The following PAWR variants were observed in gnomAD, a reference collection of about 807,000 sequenced individuals.
PAWR encodes the protein PRKC apoptosis WT1 regulator protein.
In PAWR, 23 loss-of-function variants were observed where a neutral mutation model predicts 32.0. The ratio of observed to expected loss-of-function variants is 0.72; its 90% CI spans 0.52 to 1.02. PAWR has a LOEUF of 1.02. Ranked by LOEUF, PAWR falls within the 50% of genes least tolerant of loss-of-function variation. The pLI, the probability that PAWR is intolerant of heterozygous loss-of-function variation, is 0.00. For synonymous variants in PAWR, 226 were observed against 187.1 expected, an observed-to-expected ratio of 1.21 and a Z score of -1.70; for missense variants, 457 against 437.7, an observed-to-expected ratio of 1.04 and a Z score of -0.39.
intron 4 of PAWR, among the ~76,000 whole-genome samples, chr12:79,611,572 T>C (rs1227996792): frequency 6.6e-6 from 1 of 151,928 alleles, no homozygotes; most frequent in East Asian, 1.9e-4. Flanking sequence ...AGATAAGAGA[T>C]AATTTCATAT....
At chr12:79,600,176 T>G (rs552128584) in intron 4 of PAWR, among the ~76,000 whole-genome samples, 3 of 152,346 alleles carry the variant, frequency 2.0e-5, no homozygotes, top group Admixed American at 2.0e-4. Context: ...TTTTGATCTG[T>G]ATCTCTTTGA....
chr12:79,689,819 G>T lies in PAWR; in HGVS notation c.426C>A (p.Pro142=). The T allele has an allele frequency of 6.3e-7, 1 of 1,594,756 alleles. No individual in the cohort carries two copies. Among genetic ancestry groups the T allele is most frequent in the East Asian group, 2.3e-5 (1 of 43,684 alleles). Residue 142 remains proline, a synonymous_variant, in exon 2 of 7, where the codon CCC becomes CCA. Transcript: ENST00000328827. ...GVPEKGKSSG[P]SARKGKGQIE... ...TCTGCCCCTTGCCTTTCCTGGCACT[G>T]GGGCCCGAGCTCTTGCCCTTCTCTG...
intron 2 of PAWR, among the ~76,000 whole-genome samples, chr12:79,679,226 C>T (rs953755807): frequency 1.3e-5 from 2 of 152,142 alleles, no homozygotes; most frequent in African/African-American, 4.8e-5. Context: ...GGGCACACAA[C>T]AGGCATTCAT....
chr12:79,648,766 G>GC (rs1189775159), intron 2 of PAWR, among the ~76,000 whole-genome samples: 1 of 149,864 alleles, frequency 6.7e-6, no homozygotes, highest in Non-Finnish European at 1.5e-5. Flanking sequence ...TCCATCCTGG[G>GC]CAACAGGATG....
chr12:79,598,082 C>G (rs1873829149), intron 4 of PAWR: 2 of 152,256 alleles, frequency 1.3e-5, no homozygotes, highest in Non-Finnish European at 2.9e-5. Context: ...GACAGAGCAA[C>G]TGAGACAGAA....
chr12:79,588,061 A>G lies in PAWR; in HGVS notation c.*4546T>C, dbSNP rs929572162. 1.3e-5 allele frequency: 2 copies of G among 152,050 alleles called. No homozygotes were observed. The highest frequency in any genetic ancestry group is 2.4e-5 in the African/African-American group (1 of 41,450). The allele number at this position is 152,050 out of a possible 1,614,324, so 9.4% of individuals were successfully genotyped here. A position where few individuals can be genotyped will look rare whatever the true frequency, so the allele number is the denominator to read the frequency against. On this transcript the variant is annotated 3_prime_UTR_variant, in exon 7 of 7. Coordinates refer to ENST00000328827, the MANE Select transcript of PAWR (RefSeq NM_002583.4). The stretch of plus-strand genomic sequence containing the variant: ...TGCTACTTAAATTTAGAAGAAAAAC[A>G]TAAGAATAAAAACCCTGAATAGCAT...
At chr12:79,661,269 G>C in intron 2 of PAWR, among the ~76,000 whole-genome samples, 1 of 123,606 alleles carries the variant, frequency 8.1e-6, no homozygotes. Flanking sequence ...AAAAAAAAAA[G>C]AACTTACATT....
intron 4 of PAWR, among the ~76,000 whole-genome samples, chr12:79,609,054 A>G (rs990208028): frequency 1.3e-5 from 2 of 152,110 alleles, no homozygotes; most frequent in Non-Finnish European, 2.9e-5. Flanking sequence ...GGGTGACAGG[A>G]GTGAGACTCC....
chr12:79,657,459 G>A (rs1423839951), intron 2 of PAWR, among the ~76,000 whole-genome samples: 1 of 151,946 alleles, frequency 6.6e-6, no homozygotes, highest in Non-Finnish European at 1.5e-5. Flanking sequence ...TAGTAACTAA[G>A]TTAAGGGGGT....
intron 2 of PAWR, chr12:79,635,511 G>C (rs1237127828): frequency 6.6e-6 from 1 of 152,028 alleles, no homozygotes; most frequent in African/African-American, 2.4e-5. Context: ...GCCAGCAGGT[G>C]AAAAATAAGT....
At chr12:79,628,184 G>A (rs969981526) in intron 2 of PAWR, among the ~76,000 whole-genome samples, 2 of 152,138 alleles carry the variant, frequency 1.3e-5, no homozygotes, top group African/African-American at 4.8e-5. Context: ...CATGGAAACT[G>A]AACAACCTGC....
intron 2 of PAWR, among the ~76,000 whole-genome samples, chr12:79,685,749 T>C (rs1878652901): frequency 6.6e-6 from 1 of 152,216 alleles, no homozygotes; most frequent in Admixed American, 6.5e-5. Context: ...TCCATACCTT[T>C]ACTGTTTTCC....
At chr12:79,627,056 G>A (rs944334125) in intron 2 of PAWR, among the ~76,000 whole-genome samples, 9 of 152,176 alleles carry the variant, frequency 5.9e-5, no homozygotes, top group Non-Finnish European at 1.3e-4. Context: ...ACATACGTGT[G>A]CATGTGGCTT....
chr12:79,636,157 A>C (rs959816222), intron 2 of PAWR, among the ~76,000 whole-genome samples: 3 of 152,168 alleles, frequency 2.0e-5, no homozygotes, highest in African/African-American at 7.2e-5. Context: ...TAACATTTCT[A>C]TTACTACAGC....
intron 2 of PAWR, among the ~76,000 whole-genome samples, chr12:79,647,199 A>G (rs1321380985): frequency 6.6e-6 from 1 of 152,004 alleles, no homozygotes; most frequent in Non-Finnish European, 1.5e-5. Flanking sequence ...AAGAAAAGGA[A>G]AGAAATGGCA....
chr12:79,617,144 G>A (rs2136707874), intron 3 of PAWR, among the ~76,000 whole-genome samples: 1 of 152,224 alleles, frequency 6.6e-6, no homozygotes, highest in South Asian at 2.1e-4. Flanking sequence ...GATCACCTAA[G>A]GTCGGGAGAC....
At chr12:79,656,106 G>A (rs922423816) in intron 2 of PAWR, among the ~76,000 whole-genome samples, 4 of 152,166 alleles carry the variant, frequency 2.6e-5, no homozygotes, top group African/African-American at 9.7e-5. Flanking sequence ...AGAATATGAA[G>A]GATAGAATAT....
At chr12:79,684,894 C>T (rs1404088346) in intron 2 of PAWR, among the ~76,000 whole-genome samples, 3 of 152,102 alleles carry the variant, frequency 2.0e-5, no homozygotes, top group African/African-American at 4.8e-5. Context: ...TGGTTTATTA[C>T]GCACAAGACT....
intron 2 of PAWR, among the ~76,000 whole-genome samples, chr12:79,682,898 T>C (rs771359296): frequency 6.6e-6 from 1 of 152,270 alleles, no homozygotes; most frequent in African/African-American, 2.4e-5. Context: ...CACTTGATAG[T>C]AGTTTGATAA....
Sources: allele counts gnomAD v4.1 joint callset (sites outside exome capture counted in the v4.1 genomes callset), GRCh38; gene constraint gnomAD v4.1.1; transcripts MANE v1.5; gene names NCBI Gene and HGNC (gene_info 2026-07-23, HGNC 2026-07-21).